Variants in FLT1 observed in about 807,000 individuals in gnomAD.
FLT1 encodes the protein fms related receptor tyrosine kinase 1.
FLT1 carries 49 observed loss-of-function variants against 156.3 expected under a neutral mutation model. That is an observed-to-expected ratio of 0.31 (90% confidence interval 0.25 to 0.40). The LOEUF (loss-of-function observed/expected upper bound fraction) is 0.40, where lower values mean the gene tolerates loss of function less well. Ranked by LOEUF, FLT1 falls within the 10% of genes least tolerant of loss-of-function variation. The probability of loss-of-function intolerance (pLI) is 1.00; values close to 1 mark genes in which losing one functional copy is unlikely to be tolerated. For missense variants in FLT1, 1,322 were observed against 1,637.2 expected, an observed-to-expected ratio of 0.81 and a Z score of 3.32; for synonymous variants, 594 against 583.8, an observed-to-expected ratio of 1.02 and a Z score of -0.25.
At chr13:28,370,322 G>T (rs974038451) in intron 14 of FLT1, among the ~76,000 whole-genome samples, 1 of 152,146 alleles carries the variant, frequency 6.6e-6, no homozygotes, top group Non-Finnish European at 1.5e-5. Context: ...GAGTTATGAT[G>T]GGGGGAGAGG....
At chr13:28,456,622 C>G (rs1376396653) in intron 3 of FLT1, among the ~76,000 whole-genome samples, 1 of 151,848 alleles carries the variant, frequency 6.6e-6, no homozygotes, top group Non-Finnish European at 1.5e-5. Flanking sequence ...ATGGTGAAAC[C>G]CTGTCTCTAC....
rs1479826426 is a variant in FLT1 at position 28,389,933 on chromosome 13, A to T, written c.1832T>A (p.Ile611Asn). ...HYSISKQKMA[I>N]TKEHSITLNL... ...AAGAGTGATGGAGTGCTCCTTAGTG[A>T]TGGCCATTTTTTGCTTGCTAATACT... is the stretch of plus-strand genomic sequence containing the variant. Residue 611 changes from isoleucine to asparagine, a missense_variant, in exon 13 of 30, where the codon ATC becomes AAC. Ile to Asn is a moderately radical substitution (Grantham distance 149). This residue lies in a region of FLT1 where 991 missense variants were observed against 1,254.8 expected (regional missense o/e 0.79). Coordinates refer to ENST00000282397, the MANE Select transcript of FLT1 (RefSeq NM_002019.4). 1 of 1,614,104 alleles carries T rather than the reference A, an allele frequency of 6.2e-7. No individual in the cohort carries two copies. Among genetic ancestry groups the T allele is most frequent in the African/African-American group, 1.3e-5 (1 of 74,998 alleles).
intron 14 of FLT1, among the ~76,000 whole-genome samples, chr13:28,363,519 A>G (rs1210476343): frequency 1.3e-5 from 2 of 152,178 alleles, no homozygotes; most frequent in Admixed American, 1.3e-4. Flanking sequence ...AGAATACAGA[A>G]TATTATTTTG....
intron 14 of FLT1, among the ~76,000 whole-genome samples, chr13:28,369,297 G>T (rs1055179254): frequency 6.6e-6 from 1 of 152,160 alleles, no homozygotes; most frequent in Non-Finnish European, 1.5e-5. Flanking sequence ...GGCCAAGGGG[G>T]TCGGATCACC....
Position 28,370,153 on chromosome 13 carries a change from C to G in FLT1, c.2117-12468G>C, listed in dbSNP as rs944566757. ...GAGCCATGGTGACGCCACTGCCTTCCAGCCTGGGCCACAGAGCAAGACCCT... is the reference window on the plus strand; with the variant it reads ...GAGCCATGGTGACGCCACTGCCTTCGAGCCTGGGCCACAGAGCAAGACCCT... On this transcript the variant is annotated intron_variant, in intron 14 of 29. Coordinates refer to ENST00000282397, the MANE Select transcript of FLT1 (RefSeq NM_002019.4). 4.0e-5 allele frequency among the ~76,000 whole-genome samples: 6 copies of G among 151,802 alleles called. No homozygotes were observed. The East Asian group carries it at 1.2e-3, about 29-fold the overall frequency.
rs570882629 is a variant in FLT1 at position 28,322,678 on chromosome 13, C to T, written c.2953+112G>A. On this transcript the variant is annotated intron_variant, in intron 21 of 29. Coordinates refer to ENST00000282397, the MANE Select transcript of FLT1 (RefSeq NM_002019.4). This position sits in a 1 kb window ranked among gnomAD's most constrained non-coding sequence, Gnocchi z 4.3. ...CTTATCTCCTCAGGACATTACCATT[C>T]GAGTCTCCCACGGATGTTTATTAGA... 1.7e-5 allele frequency: 16 copies of T among 952,954 alleles called. No individual in the cohort carries two copies. The highest frequency in any genetic ancestry group is 6.9e-5 in the Admixed American group (4 of 58,334). 59.0% of individuals were successfully genotyped at this position (952,954 alleles called of 1,614,324 possible).
At chr13:28,376,266 A>AG (rs1442675614) in intron 14 of FLT1, among the ~76,000 whole-genome samples, 1 of 152,236 alleles carries the variant, frequency 6.6e-6, no homozygotes, top group African/African-American at 2.4e-5. Context: ...ATTTCATTTA[A>AG]GAAGGAGTAT....
At chr13:28,336,742 C>CTT (rs548520953) in intron 17 of FLT1, among the ~76,000 whole-genome samples, 100 of 130,188 alleles carry the variant, frequency 7.7e-4, no homozygotes, top group African/African-American at 1.1e-3. Context: ...ATTATTCTAA[C>CTT]TTTTTTTTTT....
intron 14 of FLT1, among the ~76,000 whole-genome samples, chr13:28,360,079 C>T (rs147153070): frequency 0.016 from 2,369 of 152,230 alleles, 64 homozygotes; most frequent in African/African-American, 0.054. Flanking sequence ...CACTGCACTC[C>T]GGCCTGGGTG....
intron 15 of FLT1, among the ~76,000 whole-genome samples, chr13:28,352,931 G>A (rs1872772520): frequency 6.6e-6 from 1 of 152,100 alleles, no homozygotes; most frequent in South Asian, 2.1e-4. Context: ...GCTGGCCAAG[G>A]GCAATAGAAA....
At chr13:28,388,554 C>A in intron 13 of FLT1, 1 of 1,049,120 alleles carries the variant, frequency 9.5e-7, no homozygotes, top group Non-Finnish European at 1.2e-6. Flanking sequence ...AGTCATTTTC[C>A]CTCAAACGCA....
Position 28,301,518 on chromosome 13 carries a change from A to G in FLT1, c.*1649T>C. 2 of 233,182 alleles carry G rather than the reference A, an allele frequency of 8.6e-6. No homozygotes were observed. Among genetic ancestry groups the G allele is most frequent in the Non-Finnish European group, 1.7e-5 (2 of 117,958 alleles). The allele number at this position is 233,182 out of a possible 1,614,324, so 14.4% of individuals were successfully genotyped here. On this transcript the variant is annotated 3_prime_UTR_variant, in exon 30 of 30. Transcript: ENST00000282397. Reference sequence around the variant, plus strand: ...GTGGCACATAAGAACAGAGGCATACATTCTTCGGTTACTTAGAGCTCAGGT... The same window carrying G: ...GTGGCACATAAGAACAGAGGCATACGTTCTTCGGTTACTTAGAGCTCAGGT...
At chr13:28,476,574 A>T (rs1880559871) in intron 1 of FLT1, among the ~76,000 whole-genome samples, 2 of 152,158 alleles carry the variant, frequency 1.3e-5, no homozygotes, top group South Asian at 4.1e-4. Flanking sequence ...TTTATAGTAT[A>T]TTAAACGCAC....
chr13:28,465,815 G>A (rs1046353324), intron 3 of FLT1, among the ~76,000 whole-genome samples: 3 of 151,490 alleles, frequency 2.0e-5, no homozygotes, highest in Non-Finnish European at 4.4e-5. Flanking sequence ...CAGCATGGGT[G>A]AGAGATCAAG....
At chr13:28,451,831 G>C (rs535284572) in intron 3 of FLT1, among the ~76,000 whole-genome samples, 8 of 152,314 alleles carry the variant, frequency 5.3e-5, no homozygotes, top group East Asian at 3.9e-4. Flanking sequence ...GTTCACACTG[G>C]GCGTAGCACA....
intron 11 of FLT1, among the ~76,000 whole-genome samples, chr13:28,401,607 A>G (rs1039552346): frequency 6.6e-6 from 1 of 152,236 alleles, no homozygotes; most frequent in Non-Finnish European, 1.5e-5. Context: ...GATGTTTCTA[A>G]TATAGCTTCC....
intron 16 of FLT1, among the ~76,000 whole-genome samples, chr13:28,341,903 A>T (rs1281625536): frequency 6.6e-6 from 1 of 152,024 alleles, no homozygotes; most frequent in Non-Finnish European, 1.5e-5. Flanking sequence ...TATTTTTTAG[A>T]TGGAGTCTCA....
intron 3 of FLT1, among the ~76,000 whole-genome samples, chr13:28,459,237 T>C (rs1478896628): frequency 6.6e-6 from 1 of 152,200 alleles, no homozygotes; most frequent in East Asian, 1.9e-4. Flanking sequence ...CATGTTCACC[T>C]GTCTCCTGAG....
Position 28,439,277 on chromosome 13 carries a change from G to C in FLT1, c.389-932C>G, listed in dbSNP as rs4771249. Among the ~76,000 whole-genome samples the C allele has an allele frequency of 0.78, 118,672 of 152,108 alleles. 46,473 individuals are homozygous for C. The highest frequency in any genetic ancestry group is 0.82 in the African/African-American group (33,835 of 41,468). ...GGAGTCATTGTGTTCTGATCGTCCC[G>C]CATTTGTTCCAGCCTTATATACTAA... On this transcript the variant is annotated intron_variant, in intron 3 of 29. Transcript: ENST00000282397. The surrounding 1 kb of genome is among the most constrained non-coding windows in gnomAD (Gnocchi z 4.1).
Sources: allele counts gnomAD v4.1 joint callset (sites outside exome capture counted in the v4.1 genomes callset), GRCh38; gene constraint gnomAD v4.1.1; regional missense constraint gnomAD v4.1.1; non-coding constraint Gnocchi (gnomAD v3.1); transcripts MANE v1.5; gene names NCBI Gene and HGNC (gene_info 2026-07-23, HGNC 2026-07-21).